The following ACIN1 variants were observed in gnomAD, a reference collection of about 807,000 sequenced individuals.
ACIN1 encodes apoptotic chromatin condensation inducer in the nucleus.
In ACIN1, 16 loss-of-function variants were observed where a neutral mutation model predicts 146.6. The observed-to-expected ratio is 0.11, with a 90% CI of 0.07 to 0.17. The LOEUF (loss-of-function observed/expected upper bound fraction) is 0.17, where lower values mean the gene tolerates loss of function less well. Among genes scored for constraint, ACIN1 ranks in the 10% least tolerant of loss-of-function variants. The pLI is 1.00. For missense variants in ACIN1, 1,357 were observed against 1,609.3 expected, an observed-to-expected ratio of 0.84 and a Z score of 2.68; for synonymous variants, 569 against 582.7, an observed-to-expected ratio of 0.98 and a Z score of 0.34.
chr14:23,087,466 GT>G (rs33926920), intron 4 of ACIN1, among the ~76,000 whole-genome samples: 71,694 of 145,992 alleles, frequency 0.49, 18,725 homozygotes, highest in African/African-American at 0.7. Flanking sequence ...AACGTCTGGG[GT>G]TTTTTTTTTC....
In ACIN1 at chr14:23,061,609, C is replaced by T. The variant is rs761887455; in HGVS notation, c.3113G>A (p.Arg1038Gln). The change falls in exon 17 of 19, where the codon CGA becomes CAA. Residue 1038 changes from arginine to glutamine, a missense_variant. Physicochemically the swap from Arg to Gln is conservative, Grantham distance 43 (BLOSUM62 1). Around this residue, in one of 4 missense-constraint regions of ACIN1, gnomAD observed 509 missense variants for 719.6 expected, o/e 0.71. Coordinates refer to ENST00000605057, the MANE Select transcript of ACIN1 (RefSeq NM_001386863.1). The part of the protein sequence containing the change: ...YAEQDELDYH[R>Q]GLLVDRPSET... ...AGAGGGACGGTCCACCAAGAGGCCT[C>T]GGTGATAATCCAGCTGTGGGGAGAG... 25 of 1,536,324 alleles carry T rather than the reference C, an allele frequency of 1.6e-5. No individual in the cohort carries two copies. Among genetic ancestry groups the T allele is most frequent in the South Asian group, 1.4e-4 (11 of 81,286 alleles).
intron 9 of ACIN1, among the ~76,000 whole-genome samples, chr14:23,066,708 T>C (rs1208282898): frequency 6.6e-6 from 1 of 152,232 alleles, no homozygotes; most frequent in Admixed American, 6.5e-5. Context: ...GGGCAGATTG[T>C]CCCCAAGGAG....
chr14:23,067,335 A>G lies in ACIN1; in HGVS notation c.2266-1327T>C. ...ACACCTGGGATCTTCAGTTCAGCCA[A>G]TCGCACCTCACTGTGTACTGTATCT... On this transcript the variant is annotated intron_variant, in intron 9 of 18. Transcript: ENST00000605057. This position sits in a 1 kb window ranked among gnomAD's most constrained non-coding sequence, Gnocchi z 4.6. The G allele has an allele frequency of 1.0e-6, 1 of 985,822 alleles. No individual in the cohort carries two copies. The highest frequency in any genetic ancestry group is 1.2e-6 in the Non-Finnish European group (1 of 829,922). The allele number at this position is 985,822 out of a possible 1,614,324, so 61.1% of individuals were successfully genotyped here. A position where few individuals can be genotyped will look rare whatever the true frequency, so the allele number is the denominator to read the frequency against.
At chr14:23,069,179 C>A in intron 9 of ACIN1, 1 of 1,090,638 alleles carries the variant, frequency 9.2e-7, no homozygotes, top group East Asian at 5.7e-5. Flanking sequence ...GCAGGAAAAG[C>A]TGAACATAAA....
chr14:23,091,449 G>C (rs2048223861), intron 2 of ACIN1, among the ~76,000 whole-genome samples: 1 of 151,762 alleles, frequency 6.6e-6, no homozygotes, highest in African/African-American at 2.4e-5. Flanking sequence ...AATACAAAAA[G>C]GTGGGCATAT....
At chr14:23,066,883 G>A (rs1170007273) in intron 9 of ACIN1, among the ~76,000 whole-genome samples, 1 of 152,264 alleles carries the variant, frequency 6.6e-6, no homozygotes, top group African/African-American at 2.4e-5. Flanking sequence ...ACTATGGGGG[G>A]CGGGGGAGAA....
chr14:23,058,857 G>A lies in ACIN1; in HGVS notation c.*291C>T. The A allele has an allele frequency of 2.1e-6, 1 of 466,714 alleles. No homozygotes were observed. The highest frequency in any genetic ancestry group is 3.9e-6 in the Non-Finnish European group (1 of 259,414). The allele number at this position is 466,714 out of a possible 1,614,324, so 28.9% of individuals were successfully genotyped here. On this transcript the variant is annotated 3_prime_UTR_variant, in exon 19 of 19. Transcript: ENST00000605057. The stretch of plus-strand genomic sequence containing the variant: ...GGATGGAGGAAAAATCAGAGGACTG[G>A]GGCACCTGGCTGTTCCCCATCTCTG...
At chr14:23,079,161 A>G in intron 6 of ACIN1, 123 bp from the exon 7 acceptor site, 1 of 1,012,942 alleles carries the variant, frequency 9.9e-7, no homozygotes, top group South Asian at 1.7e-5. Flanking sequence ...GTCTGTGTTT[A>G]CTCCCATTTT....
chr14:23,084,394 C>T (rs888571429), intron 4 of ACIN1, among the ~76,000 whole-genome samples: 4 of 152,014 alleles, frequency 2.6e-5, no homozygotes, highest in African/African-American at 7.2e-5. Flanking sequence ...ATCACGAGGT[C>T]GGGAGTTTGA....
At chr14:23,071,580 G>A (rs939815167) in intron 8 of ACIN1, 4 of 1,543,802 alleles carry the variant, frequency 2.6e-6, no homozygotes, top group African/African-American at 2.7e-5. Context: ...AGCAGCCTGT[G>A]TGTGCGGATG....
chr14:23,070,874 C>G (rs1244877104), intron 8 of ACIN1, among the ~76,000 whole-genome samples: 1 of 152,054 alleles, frequency 6.6e-6, no homozygotes, highest in Non-Finnish European at 1.5e-5. Flanking sequence ...GCTAAACAGG[C>G]CCCCAGAGAA....
At position 23,064,483 on chromosome 14, in the gene ACIN1, T is replaced by C; in HGVS notation, c.2314A>G (p.Thr772Ala). The change falls in exon 11 of 19, where the codon ACC becomes GCC. Residue 772 changes from threonine to alanine, a missense_variant. By Grantham distance (58) the Thr-to-Ala change is moderately conservative (BLOSUM62 0). Transcript: ENST00000605057. ...CTGTTTCCAGCTGGCACCCCCTTGG[T>C]AGCTGCTGTCCCCAAGAAATAGACC... ...FKRKISVVSATKGVPAGNSDT... is the reference protein window; with the variant it reads ...FKRKISVVSAAKGVPAGNSDT... 4 of 1,614,168 alleles carry C rather than the reference T, an allele frequency of 2.5e-6. No individual in the cohort carries two copies. The highest frequency in any genetic ancestry group is 3.4e-6 in the Non-Finnish European group (4 of 1,179,994).
At chr14:23,071,320 AT>A in intron 8 of ACIN1, 1 of 1,509,110 alleles carries the variant, frequency 6.6e-7, no homozygotes, top group Non-Finnish European at 8.9e-7. Context: ...GAAAATTGAG[AT>A]GTAGCAACCG....
In ACIN1 at chr14:23,083,570, A is replaced by C. The variant is rs1594778154; in HGVS notation, c.437-1734T>G. On this transcript the variant is annotated intron_variant, in intron 4 of 18. Coordinates refer to ENST00000605057, the MANE Select transcript of ACIN1 (RefSeq NM_001386863.1). Reference sequence around the variant, plus strand: ...ACATGGTGAAACCCTGTCTCTACTAAAAATACAAAAAATTAGCCAGGCGTG... The same window carrying C: ...ACATGGTGAAACCCTGTCTCTACTACAAATACAAAAAATTAGCCAGGCGTG... 3.3e-5 allele frequency among the ~76,000 whole-genome samples: 5 copies of C among 151,576 alleles called. 1 individual carries two copies. Among genetic ancestry groups the C allele is most frequent in the African/African-American group, 1.2e-4 (5 of 41,380 alleles).
chr14:23,069,641 TGGGGG>T, intron 8 of ACIN1, 24 bp from the exon 9 acceptor site: 1 of 309,220 alleles, frequency 3.2e-6, no homozygotes, highest in Non-Finnish European at 5.7e-6. Context: ...GGAGTGGTGG[TGGGGG>T]GGCGGGCAGA....
chr14:23,070,468 C>T (rs553248327), intron 8 of ACIN1, among the ~76,000 whole-genome samples: 1 of 152,174 alleles, frequency 6.6e-6, no homozygotes, highest in Admixed American at 6.5e-5. Flanking sequence ...CACCCTCCCC[C>T]ACACAGGCAG....
chr14:23,072,583 C>CTTAT (rs2047690954), intron 8 of ACIN1, among the ~76,000 whole-genome samples: 1 of 152,296 alleles, frequency 6.6e-6, no homozygotes, highest in Admixed American at 6.5e-5. Context: ...ACTCAAAATG[C>CTTAT]TTATTTGTTG....
chr14:23,094,932 G>C (rs770351368), intron 1 of ACIN1, 43 bp downstream of exon 1: 2 of 1,538,690 alleles, frequency 1.3e-6, no homozygotes, highest in Non-Finnish European at 1.7e-6. Flanking sequence ...CGTCTCTACC[G>C]GGTCCGCTCT....
At position 23,058,897 on chromosome 14, in the gene ACIN1, T is replaced by C. The variant is rs538376242; in HGVS notation, c.*251A>G. ...CCCCATCTCTGGCCAACCACCTCCT[T>C]GCCTAACCTAGCTCTTGCCTCTCAG... is the stretch of plus-strand genomic sequence containing the variant. On this transcript the variant is annotated 3_prime_UTR_variant, in exon 19 of 19. Coordinates refer to ENST00000605057, the MANE Select transcript of ACIN1 (RefSeq NM_001386863.1). 2.6e-5 allele frequency: 14 copies of C among 531,276 alleles called. No homozygotes were observed. Among genetic ancestry groups the C allele is most frequent in the East Asian group, 1.8e-4 (6 of 33,818 alleles). The allele number at this position is 531,276 out of a possible 1,614,324, so 32.9% of individuals were successfully genotyped here. A position where few individuals can be genotyped will look rare whatever the true frequency, so the allele number is the denominator to read the frequency against.
Sources: allele counts gnomAD v4.1 joint callset (sites outside exome capture counted in the v4.1 genomes callset), GRCh38; gene constraint gnomAD v4.1.1; regional missense constraint gnomAD v4.1.1; non-coding constraint Gnocchi (gnomAD v3.1); transcripts MANE v1.5; gene names NCBI Gene and HGNC (gene_info 2026-07-23, HGNC 2026-07-21).